The following CDKAL1 variants were observed in gnomAD, a reference collection of about 807,000 sequenced individuals.
CDKAL1 encodes the protein threonylcarbamoyladenosine tRNA methylthiotransferase.
Under a neutral mutation model 68.2 loss-of-function variants are expected in CDKAL1, and 32 were observed. The observed-to-expected ratio is 0.47, with a 90% CI of 0.35 to 0.63. The LOEUF is 0.63. Ranked by LOEUF, CDKAL1 falls within the 30% of genes least tolerant of loss-of-function variation. The pLI, the probability that CDKAL1 is intolerant of heterozygous loss-of-function variation, is 0.00. For synonymous variants in CDKAL1, 234 were observed against 244.3 expected (o/e 0.96, Z 0.39); for missense variants, 606 against 696.7 (o/e 0.87, Z 1.47).
chr6:20,559,947 G>A (rs906330051), intron 4 of CDKAL1, among the ~76,000 whole-genome samples: 1 of 152,028 alleles, frequency 6.6e-6, no homozygotes, highest in East Asian at 1.9e-4. Context: ...TACCATGAAA[G>A]CTTCATTTAA....
At chr6:20,719,260 A>G (rs1772234902) in intron 5 of CDKAL1, among the ~76,000 whole-genome samples, 1 of 152,098 alleles carries the variant, frequency 6.6e-6, no homozygotes, top group African/African-American at 2.4e-5. Context: ...AATGGTTTTA[A>G]CTCATTACCA....
intron 4 of CDKAL1, among the ~76,000 whole-genome samples, chr6:20,585,805 C>A (rs907790674): frequency 6.6e-5 from 10 of 151,984 alleles, no homozygotes; most frequent in African/African-American, 2.4e-4. Flanking sequence ...CCTATACTCA[C>A]TTATTTGGGT....
At chr6:20,739,471 A>C in intron 5 of CDKAL1, 48 bp from the exon 6 acceptor site, 1 of 1,176,248 alleles carries the variant, frequency 8.5e-7, no homozygotes, top group Non-Finnish European at 1.3e-6. Flanking sequence ...TTCCAAGAGT[A>C]TACCCATGAG....
Position 20,739,585 on chromosome 6 carries a change from G to A in CDKAL1, c.438G>A (p.Gln146=). 6.2e-7 allele frequency: 1 copy of A among 1,612,588 alleles called. No individual in the cohort carries two copies. Among genetic ancestry groups the A allele is most frequent in the Non-Finnish European group, 8.5e-7 (1 of 1,178,882 alleles). The change falls in exon 6 of 16, where the codon CAG becomes CAA. Residue 146 remains glutamine, a synonymous_variant. Coordinates refer to ENST00000274695, the MANE Select transcript of CDKAL1 (RefSeq NM_017774.3). ...AGCVPQAQPR[Q]DYLKGLSIIG... ...GCGTTCCTCAAGCCCAGCCTCGCCAGGACTACCTTAAGGGACTGAGTATCA... is the reference window on the plus strand; with the variant it reads ...GCGTTCCTCAAGCCCAGCCTCGCCAAGACTACCTTAAGGGACTGAGTATCA...
intron 9 of CDKAL1, among the ~76,000 whole-genome samples, chr6:20,862,144 G>A (rs1381356877): frequency 1.3e-5 from 2 of 152,108 alleles, no homozygotes; most frequent in Non-Finnish European, 2.9e-5. Flanking sequence ...GTAATATTAG[G>A]ATTATAGTTT....
Position 20,560,873 on chromosome 6 carries a change from A to C in CDKAL1, c.286+12168A>C, listed in dbSNP as rs139899485. The stretch of plus-strand genomic sequence containing the variant: ...GCTAATCCATGTATACATTATTTTT[A>C]TGATTGATTAAGGACTTTTTTGGGA... On this transcript the variant is annotated intron_variant, in intron 4 of 15. Transcript: ENST00000274695. Among the ~76,000 whole-genome samples, 169 of 152,202 alleles carry C rather than the reference A, an allele frequency of 1.1e-3. 1 individual carries two copies. The highest frequency in any genetic ancestry group is 3.9e-3 in the African/African-American group (161 of 41,550).
chr6:20,535,976 G>C (rs1469677154), intron 2 of CDKAL1, among the ~76,000 whole-genome samples: 1 of 152,206 alleles, frequency 6.6e-6, no homozygotes, highest in Non-Finnish European at 1.5e-5. Flanking sequence ...ATGCCACCCA[G>C]GCCAGAGTGC....
rs978774144 is a variant in CDKAL1, at chr6:20,761,222, A to G, written c.517+2579A>G. Reference sequence around the variant, plus strand: ...TAAAGCAGCAATGCAATATAGTGGTATGTTAAAACTATACACCTGGTACAA... The same window carrying G: ...TAAAGCAGCAATGCAATATAGTGGTGTGTTAAAACTATACACCTGGTACAA... On this transcript the variant is annotated intron_variant, in intron 7 of 15. Transcript: ENST00000274695. 4.6e-5 allele frequency among the ~76,000 whole-genome samples: 7 copies of G among 152,374 alleles called. No individual in the cohort carries two copies. In the East Asian group the frequency reaches 1.3e-3, roughly 29 times the overall value.
At position 21,066,877 on chromosome 6, in the gene CDKAL1, T is replaced by C. The variant is rs189111654; in HGVS notation, c.1236+1649T>C. Among the ~76,000 whole-genome samples the C allele has an allele frequency of 6.6e-4, 101 of 152,244 alleles. 1 individual carries two copies. Among genetic ancestry groups the C allele is most frequent in the African/African-American group, 2.3e-3 (96 of 41,536 alleles). ...CTGGACTCAAGCGATCCTCCCATGT[T>C]GGTCTCCGAAAGTGCCAGTATTACA... On this transcript the variant is annotated intron_variant, in intron 12 of 15. Coordinates refer to ENST00000274695, the MANE Select transcript of CDKAL1 (RefSeq NM_017774.3).
intron 8 of CDKAL1, among the ~76,000 whole-genome samples, chr6:20,809,025 A>G (rs1038573806): frequency 1.3e-5 from 2 of 152,202 alleles, no homozygotes; most frequent in Non-Finnish European, 1.5e-5. Flanking sequence ...AAGACCATAC[A>G]TGCATTTTGG....
At chr6:20,833,363 T>A (rs1030766295) in intron 8 of CDKAL1, among the ~76,000 whole-genome samples, 2 of 152,140 alleles carry the variant, frequency 1.3e-5, no homozygotes, top group African/African-American at 4.8e-5. Flanking sequence ...ACACATCCTT[T>A]TCCTATACGT....
chr6:20,567,078 T>C (rs1378474269), intron 4 of CDKAL1, among the ~76,000 whole-genome samples: 1 of 151,968 alleles, frequency 6.6e-6, no homozygotes, highest in Non-Finnish European at 1.5e-5. Context: ...AATTGTTGCC[T>C]CCCCATTTTT....
intron 12 of CDKAL1, among the ~76,000 whole-genome samples, chr6:21,094,899 CTT>C (rs1230252961): frequency 6.6e-6 from 1 of 152,184 alleles, no homozygotes; most frequent in Non-Finnish European, 1.5e-5. Context: ...AAGCATAACT[CTT>C]TTAAAATTAT....
chr6:20,620,234 G>A (rs1767116351), intron 4 of CDKAL1, among the ~76,000 whole-genome samples: 1 of 152,022 alleles, frequency 6.6e-6, no homozygotes, highest in African/African-American at 2.4e-5. Context: ...GATGAAATCT[G>A]GAATAGTCAT....
chr6:20,918,480 A>G (rs1157937696), intron 9 of CDKAL1, among the ~76,000 whole-genome samples: 1 of 152,244 alleles, frequency 6.6e-6, no homozygotes, highest in African/African-American at 2.4e-5. Flanking sequence ...TTGGGGGGCT[A>G]TATTCCAGTA....
intron 8 of CDKAL1, among the ~76,000 whole-genome samples, chr6:20,842,874 A>G (rs1778232090): frequency 6.6e-6 from 1 of 152,168 alleles, no homozygotes; most frequent in Non-Finnish European, 1.5e-5. Context: ...CATGTCAACA[A>G]CTATAATTAA....
chr6:21,059,192 G>A (rs888813771), intron 11 of CDKAL1, among the ~76,000 whole-genome samples: 7 of 152,198 alleles, frequency 4.6e-5, no homozygotes, highest in Non-Finnish European at 7.3e-5. Flanking sequence ...GTCTGGCCAT[G>A]ATCTGCCACA....
intron 13 of CDKAL1, among the ~76,000 whole-genome samples, chr6:21,154,330 C>T (rs1776545744): frequency 6.6e-6 from 1 of 152,158 alleles, no homozygotes; most frequent in South Asian, 2.1e-4. Context: ...AAAGTTGGCC[C>T]AGTACCCCTA....
At chr6:20,639,466 C>A (rs529631517) in intron 4 of CDKAL1, among the ~76,000 whole-genome samples, 1 of 152,262 alleles carries the variant, frequency 6.6e-6, no homozygotes, top group African/African-American at 2.4e-5. Context: ...TCCTCCTTTT[C>A]CCCCCTTTTT....
Sources: gnomAD v4.1 joint callset for allele counts (sites outside exome capture counted in the v4.1 genomes callset) on GRCh38, gnomAD v4.1.1 for gene constraint, MANE v1.5 for transcripts, NCBI Gene and HGNC (gene_info 2026-07-23, HGNC 2026-07-21) for gene names.